Variants in NDRG2 observed in about 807,000 individuals in gnomAD.
The protein encoded by NDRG2 is protein NDRG2.
A neutral mutation model predicts 58.2 loss-of-function variants in NDRG2; 34 were observed. The observed-to-expected ratio is 0.58, with a 90% CI of 0.44 to 0.78. The LOEUF (loss-of-function observed/expected upper bound fraction) is 0.78. NDRG2 is among the 30% of genes least tolerant of loss of function. The probability of loss-of-function intolerance (pLI) is 0.00; values close to 1 mark genes in which losing one functional copy is unlikely to be tolerated. For synonymous variants in NDRG2, 187 were observed against 175.9 expected (o/e 1.06, Z -0.50); for missense variants, 434 against 471.2 (o/e 0.92, Z 0.73).
intron 1 of NDRG2, among the ~76,000 whole-genome samples, chr14:21,041,170 T>C (rs1338778932): frequency 6.6e-6 from 1 of 152,124 alleles, no homozygotes; most frequent in East Asian, 1.9e-4. Flanking sequence ...ATTTTTCAAA[T>C]TTTTTATAGA....
At chr14:21,030,441 C>G, upstream of NDRG2, 2 of 837,374 alleles carry the variant, frequency 2.4e-6, no homozygotes, top group Admixed American at 5.3e-5. Flanking sequence ...AAGGAGAGAG[C>G]AACAGGGAAG....
Position 21,070,098 on chromosome 14 carries a change from A to G in NDRG2, c.24+730T>C, listed in dbSNP as rs1449646388. On this transcript the variant is annotated intron_variant, in intron 1 of 14. Transcript: ENST00000403829. The surrounding 1 kb of genome is among the most constrained non-coding windows in gnomAD (Gnocchi z 4.7). ...AGAAAGAAGGTTGCCGGTGAACGGGACGGATAGGCTGGGGACGCCCGGGGA... is the reference window on the plus strand; with the variant it reads ...AGAAAGAAGGTTGCCGGTGAACGGGGCGGATAGGCTGGGGACGCCCGGGGA... Among the ~76,000 whole-genome samples, 1 of 151,142 alleles carries G rather than the reference A, an allele frequency of 6.6e-6. No homozygotes were observed. The highest frequency in any genetic ancestry group is 2.4e-5 in the African/African-American group (1 of 41,112).
At chr14:21,043,597 T>G (rs915340411) in intron 1 of NDRG2, 9 of 661,776 alleles carry the variant, frequency 1.4e-5, no homozygotes, top group Middle Eastern at 8.3e-4. Context: ...GCTGGGAGGC[T>G]GAAGCTGACA....
chr14:21,024,764 C>G lies in NDRG2; in HGVS notation c.-741G>C. 1.0e-6 allele frequency: 1 copy of G among 985,576 alleles called. No homozygotes were observed. Among genetic ancestry groups the G allele is most frequent in the Non-Finnish European group, 1.2e-6 (1 of 830,040 alleles). 61.1% of individuals were successfully genotyped at this position (985,576 alleles called of 1,614,324 possible). ...ACCCGGAACCCGTCCCTACGAGTCC[C>G]TACGCAGCCCGTCCGCGTGGAGACT... On this transcript the variant is annotated 5_prime_UTR_variant, in exon 1 of 16. Transcript: ENST00000556147.
intron 1 of NDRG2, among the ~76,000 whole-genome samples, chr14:21,065,174 A>G (rs891071251): frequency 6.6e-6 from 1 of 151,784 alleles, no homozygotes; most frequent in Non-Finnish European, 1.5e-5. Flanking sequence ...CATCTCAAAA[A>G]AAAAAAAACA....
At chr14:21,025,657 C>A (rs982572932), upstream of NDRG2, 6 of 984,538 alleles carry the variant, frequency 6.1e-6, no homozygotes, top group Non-Finnish European at 2.4e-6. This position sits in a 1 kb window ranked among gnomAD's most constrained non-coding sequence, Gnocchi z 5.1. Flanking sequence ...CCGACTCCCT[C>A]GTGCCCAGAG....
Position 21,070,465 on chromosome 14 carries a change from G to C in NDRG2, c.24+363C>G, listed in dbSNP as rs1886642732. The C allele has an allele frequency of 1.5e-6, 2 of 1,346,248 alleles. No homozygotes were observed. The highest frequency in any genetic ancestry group is 1.9e-6 in the Non-Finnish European group (2 of 1,054,476). The allele number at this position is 1,346,248 out of a possible 1,614,324, so 83.4% of individuals were successfully genotyped here. On this transcript the variant is annotated intron_variant, in intron 1 of 14. Transcript: ENST00000403829. The surrounding 1 kb of genome is among the most constrained non-coding windows in gnomAD (Gnocchi z 4.7). ...CGCGCAGCCCGCTCCGGGCCCCCAA[G>C]TCCTCAGCCTGGTGCCTCCCGAGCC...
chr14:21,044,648 G>A (rs1162005564), intron 1 of NDRG2, among the ~76,000 whole-genome samples: 2 of 152,192 alleles, frequency 1.3e-5, no homozygotes, highest in African/African-American at 4.8e-5. Flanking sequence ...CTGGGGACTG[G>A]AGCTGGAGAA....
In NDRG2 at chr14:21,070,132, G is replaced by C. The variant is rs2987851; in HGVS notation, c.24+696C>G. The stretch of plus-strand genomic sequence containing the variant: ...CTGGGGACGCCCGGGGAACGGCAGA[G>C]ATCTCGGCGCGGGAGACAGAGTCCC... On this transcript the variant is annotated intron_variant, in intron 1 of 14. Coordinates refer to the NDRG2 transcript ENST00000403829. The surrounding 1 kb of genome is among the most constrained non-coding windows in gnomAD (Gnocchi z 4.7). The C allele has an allele frequency of 9.4e-6, 2 of 212,260 alleles. No homozygotes were observed. The highest frequency in any genetic ancestry group is 2.3e-5 in the African/African-American group (1 of 42,890). 13.1% of individuals were successfully genotyped at this position (212,260 alleles called of 1,614,324 possible).
chr14:21,039,453 C>A lies in NDRG2; in HGVS notation c.25-16132G>T, dbSNP rs1273056780. Among the ~76,000 whole-genome samples, 3 of 152,234 alleles carry A rather than the reference C, an allele frequency of 2.0e-5. No homozygotes were observed. The East Asian group carries it at 5.8e-4, about 29-fold the overall frequency. On this transcript the variant is annotated intron_variant, in intron 1 of 14. Coordinates refer to the NDRG2 transcript ENST00000403829. ...TCTTGCTCTCTCTCTCAGAGTCTTT[C>A]TTCTCCTCCTGTGAAACTCCTGAAC...
Position 21,024,728 on chromosome 14 carries a change from C to G in NDRG2, c.-705G>C. The G allele has an allele frequency of 1.0e-6, 1 of 985,480 alleles. No individual in the cohort carries two copies. Among genetic ancestry groups the G allele is most frequent in the Non-Finnish European group, 1.2e-6 (1 of 829,978 alleles). The allele number at this position is 985,480 out of a possible 1,614,324, so 61.0% of individuals were successfully genotyped here. ...GGATGGGTAGGACAGAGGAGACCGG[C>G]CGGGCCCAGCACCCGGAACCCGTCC... On this transcript the variant is annotated 5_prime_UTR_variant, in exon 1 of 16. Transcript: ENST00000556147.
rs1237378147 is a variant in NDRG2, at chr14:21,019,643, T to C, written c.712A>G (p.Asn238Asp). ...ATACACACACAGCCCACCCACTTGT[T>C]GTAGCTGTTCCAGTACAATTCAATG... The part of the protein sequence containing the change: ...DNIELYWNSY[N>D]NRRDLNFERG... The change falls in exon 10 of 16, where the codon AAC (asparagine) becomes GAC (aspartate). Residue 238 changes from asparagine to aspartate, a missense_variant. By Grantham distance (23) the Asn-to-Asp change is conservative (BLOSUM62 1). Coordinates refer to ENST00000556147, the MANE Select transcript of NDRG2 (RefSeq NM_001320329.2). 6 of 1,607,366 alleles carry C rather than the reference T, an allele frequency of 3.7e-6. No homozygotes were observed. Among genetic ancestry groups the C allele is most frequent in the Non-Finnish European group, 5.1e-6 (6 of 1,174,422 alleles).
At chr14:21,033,646 C>A (rs934859271) in intron 1 of NDRG2, 3 of 620,564 alleles carry the variant, frequency 4.8e-6, no homozygotes, top group Non-Finnish European at 8.7e-6. Flanking sequence ...TAGAAGATAG[C>A]ACCACTTTGC....
intron 1 of NDRG2, chr14:21,032,525 T>C: frequency 5.8e-6 from 2 of 346,948 alleles, no homozygotes; most frequent in East Asian, 1.7e-4. Context: ...ACCTTCCTCA[T>C]CTGTTGCAAT....
chr14:21,031,973 A>C, intron 1 of NDRG2: 1 of 1,614,194 alleles, frequency 6.2e-7, no homozygotes, highest in Non-Finnish European at 8.5e-7. Context: ...CTTTGATGAG[A>C]GTGGCAAGGG....
Position 21,052,448 on chromosome 14 carries a change from A to G in NDRG2, c.24+18380T>C, listed in dbSNP as rs532134910. Among the ~76,000 whole-genome samples the G allele has an allele frequency of 5.3e-5, 8 of 152,368 alleles. No homozygotes were observed. In the South Asian group the frequency reaches 6.2e-4, roughly 12 times the overall value. On this transcript the variant is annotated intron_variant, in intron 1 of 14. Coordinates refer to the NDRG2 transcript ENST00000403829. ...TAAATGTGATCCTGAGCAAACTCAT[A>G]TGGTCAAGATGAGTTCTAAAGGATG...
intron 3 of NDRG2, 75 bp downstream of exon 3, chr14:21,022,789 C>A: frequency 1.4e-6 from 2 of 1,471,302 alleles, no homozygotes; most frequent in Non-Finnish European, 1.9e-6. Context: ...AAGAGAGGGC[C>A]AAGCAGAGGC....
intron 2 of NDRG2, 133 bp downstream of exon 2, chr14:21,023,108 G>T (rs1881637857): frequency 1.1e-6 from 1 of 910,324 alleles, no homozygotes; most frequent in African/African-American, 1.6e-5. Context: ...TAGTGTATGG[G>T]GAGAGAGACT....
intron 1 of NDRG2, among the ~76,000 whole-genome samples, chr14:21,056,127 G>T (rs1225335692): frequency 1.3e-5 from 2 of 152,062 alleles, no homozygotes; most frequent in African/African-American, 4.8e-5. Context: ...TGCCATTTTG[G>T]AGAGCACTTT....
Sources: allele counts gnomAD v4.1 joint callset (sites outside exome capture counted in the v4.1 genomes callset), GRCh38; gene constraint gnomAD v4.1.1; non-coding constraint Gnocchi (gnomAD v3.1); transcripts MANE v1.5; gene names NCBI Gene and HGNC (gene_info 2026-07-23, HGNC 2026-07-21).